Variants in DPYD observed in about 807,000 individuals in gnomAD.
DPYD encodes the protein dihydropyrimidine dehydrogenase.
Under a neutral mutation model 116.2 loss-of-function variants are expected in DPYD, and 109 were observed. The ratio of observed to expected loss-of-function variants is 0.94; its 90% confidence interval spans 0.80 to 1.10. The LOEUF (loss-of-function observed/expected upper bound fraction) is 1.10. Ranked by LOEUF, DPYD falls within the 50% of genes least tolerant of loss-of-function variation. The pLI, the probability that DPYD is intolerant of heterozygous loss-of-function variation, is 0.00. For synonymous variants in DPYD, 440 were observed against 432.0 expected (o/e 1.02, Z -0.23); for missense variants, 1,302 against 1,254.5 (o/e 1.04, Z -0.57).
chr1:97,295,255 T>A (rs1666452394), intron 18 of DPYD, among the ~76,000 whole-genome samples: 1 of 152,168 alleles, frequency 6.6e-6, no homozygotes, highest in Non-Finnish European at 1.5e-5. Flanking sequence ...ACATAAAGAT[T>A]GTATTATTCC....
chr1:97,305,695 C>G (rs1226711468), intron 17 of DPYD, among the ~76,000 whole-genome samples: 1 of 152,030 alleles, frequency 6.6e-6, no homozygotes, highest in East Asian at 2.0e-4. Context: ...GGATGGAACA[C>G]AAGCACGCAT....
At chr1:97,494,984 T>C (rs1679181590) in intron 13 of DPYD, among the ~76,000 whole-genome samples, 1 of 152,174 alleles carries the variant, frequency 6.6e-6, no homozygotes, top group African/African-American at 2.4e-5. Flanking sequence ...CAGGCAGTTT[T>C]ACCTTGAGTA....
chr1:97,883,539 C>T (rs1421550530), intron 1 of DPYD, among the ~76,000 whole-genome samples, 165 bp from the exon 2 acceptor site: 1 of 151,976 alleles, frequency 6.6e-6, no homozygotes, highest in African/African-American at 2.4e-5. Flanking sequence ...CTCTGCCTTC[C>T]AGGCTCAGGC....
chr1:97,337,269 G>T (rs927357782), intron 16 of DPYD, among the ~76,000 whole-genome samples: 3 of 152,148 alleles, frequency 2.0e-5, no homozygotes, highest in Non-Finnish European at 2.9e-5. Flanking sequence ...TATGAGTAGG[G>T]AAGTTTGTCT....
At chr1:97,804,367 GA>G (rs1263217009) in intron 3 of DPYD, among the ~76,000 whole-genome samples, 3 of 151,812 alleles carry the variant, frequency 2.0e-5, no homozygotes, top group African/African-American at 7.2e-5. Flanking sequence ...TGAAACAATT[GA>G]AAGGAATTAA....
At chr1:97,112,252 G>T (rs1167939789) in intron 20 of DPYD, among the ~76,000 whole-genome samples, 1 of 152,040 alleles carries the variant, frequency 6.6e-6, no homozygotes, top group Admixed American at 6.6e-5. Context: ...CATTTCTCCA[G>T]CATTTATAAG....
At chr1:97,286,749 G>A (rs916987896) in intron 18 of DPYD, among the ~76,000 whole-genome samples, 6 of 152,006 alleles carry the variant, frequency 3.9e-5, no homozygotes, top group Admixed American at 1.3e-4. Context: ...CGTAGTTCTC[G>A]AGCCTTGGCT....
intron 14 of DPYD, among the ~76,000 whole-genome samples, chr1:97,424,093 C>T (rs1024485802): frequency 3.9e-5 from 6 of 152,038 alleles, no homozygotes; most frequent in Non-Finnish European, 8.8e-5. Flanking sequence ...TAACAAGAGA[C>T]AATTCCAATA....
chr1:97,812,600 A>G, intron 3 of DPYD, among the ~76,000 whole-genome samples: 1 of 152,144 alleles, frequency 6.6e-6, no homozygotes, highest in Admixed American at 6.5e-5. Flanking sequence ...TGAGGATACA[A>G]AATATAAAAC....
chr1:97,617,656 G>T (rs1157013076), intron 8 of DPYD, among the ~76,000 whole-genome samples: 1 of 152,082 alleles, frequency 6.6e-6, no homozygotes, highest in Non-Finnish European at 1.5e-5. Context: ...CTGTGGAGGG[G>T]TTGGGGGTGT....
chr1:97,521,598 C>T (rs1269416264), intron 12 of DPYD, among the ~76,000 whole-genome samples: 2 of 152,020 alleles, frequency 1.3e-5, no homozygotes, highest in African/African-American at 2.4e-5. Context: ...CCTGTATAAC[C>T]AACACAATCC....
chr1:97,391,087 T>C (rs920493002), intron 14 of DPYD, among the ~76,000 whole-genome samples: 1 of 146,496 alleles, frequency 6.8e-6, no homozygotes, highest in African/African-American at 2.5e-5. Context: ...TCTACCTCTG[T>C]CAATTTCTCA....
chr1:97,510,280 G>A (rs1270128954), intron 13 of DPYD, among the ~76,000 whole-genome samples: 1 of 151,806 alleles, frequency 6.6e-6, no homozygotes, highest in African/African-American at 2.4e-5. Flanking sequence ...CTGAAAATAT[G>A]TGCCAAACTG....
chr1:97,279,911 T>C (rs1469557675), intron 18 of DPYD: 1 of 152,206 alleles, frequency 6.6e-6, no homozygotes, highest in Non-Finnish European at 1.5e-5. Context: ...GTCTGCATAT[T>C]GAAAGCTGGG....
intron 13 of DPYD, among the ~76,000 whole-genome samples, chr1:97,452,011 G>C (rs868810456): frequency 6.6e-6 from 1 of 152,148 alleles, no homozygotes. Context: ...GTGTTGGTGA[G>C]CAAATAATGG....
intron 18 of DPYD, among the ~76,000 whole-genome samples, chr1:97,267,389 A>G (rs1229802738): frequency 6.6e-6 from 1 of 152,064 alleles, no homozygotes; most frequent in Non-Finnish European, 1.5e-5. Flanking sequence ...AAGAAAGGGT[A>G]TCAGTGATTG....
intron 20 of DPYD, among the ~76,000 whole-genome samples, chr1:97,162,771 ACC>A (rs1355805819): frequency 3.3e-5 from 5 of 152,208 alleles, no homozygotes; most frequent in Non-Finnish European, 7.3e-5. Flanking sequence ...TGGTACTGGT[ACC>A]AAAACAGAGA....
intron 12 of DPYD, among the ~76,000 whole-genome samples, chr1:97,525,843 G>T (rs1228865057): frequency 6.7e-6 from 1 of 148,402 alleles, no homozygotes; most frequent in Non-Finnish European, 1.5e-5. Flanking sequence ...GGAAGAGTAA[G>T]TAATTGCCCT....
intron 8 of DPYD, among the ~76,000 whole-genome samples, chr1:97,616,545 C>G (rs928468660): frequency 4.6e-5 from 7 of 152,126 alleles, no homozygotes. Context: ...ATGCAAACTA[C>G]TTGGATGTTT....
Sources: gnomAD v4.1 joint callset for allele counts (sites outside exome capture counted in the v4.1 genomes callset) on GRCh38, gnomAD v4.1.1 for gene constraint, MANE v1.5 for transcripts, NCBI Gene and HGNC (gene_info 2026-07-23, HGNC 2026-07-21) for gene names.